Variants in CDH23 observed in about 807,000 individuals in gnomAD.
The protein encoded by CDH23 is cadherin-23.
In CDH23, 189 loss-of-function variants were observed where a neutral mutation model predicts 317.1. That is an observed-to-expected ratio of 0.60 (90% CI 0.53 to 0.67). CDH23 has a LOEUF of 0.67. Ranked by LOEUF, CDH23 falls within the 30% of genes least tolerant of loss-of-function variation. The probability of loss-of-function intolerance (pLI) is 0.00; values close to 1 mark genes in which losing one functional copy is unlikely to be tolerated. For synonymous variants in CDH23, 1,839 were observed against 1,876.8 expected (o/e 0.98, Z 0.52); for missense variants, 4,401 against 4,592.4 (o/e 0.96, Z 1.20).
rs920399503 is a variant in CDH23 at position 71,498,303 on chromosome 10, G to A, written c.146-11779G>A. ...AGCTTCTCCTGTGCCCTTTGAGCCT[G>A]TGTTCCAAGTCCTCAACCTCCTGTC... is the stretch of plus-strand genomic sequence containing the variant. On this transcript the variant is annotated intron_variant, in intron 3 of 69. Coordinates refer to ENST00000224721, the MANE Select transcript of CDH23 (RefSeq NM_022124.6). Among the ~76,000 whole-genome samples, 13 of 152,174 alleles carry A rather than the reference G, an allele frequency of 8.5e-5. 1 individual carries two copies. Among genetic ancestry groups the A allele is most frequent in the Non-Finnish European group, 2.9e-5 (2 of 68,034 alleles).
At chr10:71,778,112 A>G in intron 39 of CDH23, 77 bp from the exon 40 acceptor site, 3 of 1,581,474 alleles carry the variant, frequency 1.9e-6, no homozygotes, top group South Asian at 1.1e-5. Flanking sequence ...GTCAGGGCCT[A>G]CTTCCCAAAT....
In CDH23 at chr10:71,687,830, GC is replaced by G. The variant is rs1864971318; in HGVS notation, c.2059+113del. The G allele has an allele frequency of 1.6e-5, 16 of 1,002,622 alleles. 1 individual carries two copies. In the South Asian group the frequency reaches 2.1e-4, roughly 13 times the overall value. The allele number at this position is 1,002,622 out of a possible 1,614,324, so 62.1% of individuals were successfully genotyped here. ...GCACACAAATTGTGGGAGGTCCATG[GC>G]CTTCTCTTTCCCCGGCCAAGCTCCT... On this transcript the variant is annotated intron_variant, in intron 19 of 69. Transcript: ENST00000224721.
At chr10:71,710,843 G>A (rs1865944572) in intron 27 of CDH23, among the ~76,000 whole-genome samples, 1 of 152,244 alleles carries the variant, frequency 6.6e-6, no homozygotes, top group Non-Finnish European at 1.5e-5. Context: ...CCCACACTGG[G>A]GAAGGGGAGG....
chr10:71,547,691 A>G (rs574313375), intron 6 of CDH23, among the ~76,000 whole-genome samples: 3 of 152,366 alleles, frequency 2.0e-5, no homozygotes, highest in African/African-American at 7.2e-5. Flanking sequence ...TCCTGGAGGC[A>G]GAATTGCAAG....
Position 71,809,971 on chromosome 10 carries a change from G to A in CDH23, c.8874G>A (p.Lys2958=). The A allele has an allele frequency of 6.2e-7, 1 of 1,612,230 alleles. No individual in the cohort carries two copies. The highest frequency in any genetic ancestry group is 8.5e-7 in the Non-Finnish European group (1 of 1,179,890). The change falls in exon 61 of 70, where the codon AAG becomes AAA. Residue 2958 remains lysine (K), a synonymous_variant. Transcript: ENST00000224721. The part of the protein sequence containing the change: ...IYILRDDQRV[K]IVINEIPDRV... ...TCCTGAGGGACGACCAGCGCGTCAA[G>A]ATCGTCATTAACGAGATCCCCGACC...
chr10:71,398,602 G>A (rs1439513630), intron 1 of CDH23, among the ~76,000 whole-genome samples: 3 of 151,998 alleles, frequency 2.0e-5, no homozygotes, highest in African/African-American at 7.2e-5. Flanking sequence ...GGGGAGAGCT[G>A]GCTTGGAGTT....
At chr10:71,786,512 G>A (rs1448246175) in intron 44 of CDH23, among the ~76,000 whole-genome samples, 5 of 67,634 alleles carry the variant, frequency 7.4e-5, no homozygotes, top group African/African-American at 2.7e-4. Flanking sequence ...TTTTTTTTGA[G>A]ACAGAGTCTC....
chr10:71,791,242 C>G lies in CDH23; in HGVS notation c.6160C>G (p.His2054Asp). Reference sequence around the variant, plus strand: ...CATCGGGCTGCTCAACAGCACGGCCCACCTGCTCATCACCATCCTGGATGA... The same window carrying G: ...CATCGGGCTGCTCAACAGCACGGCCGACCTGCTCATCACCATCCTGGATGA... ...EDIGLLNSTA[H>D]LLITILDDND... is the part of the protein sequence containing the mutation. The change falls in exon 47 of 70, where the codon CAC (histidine) becomes GAC (aspartate). Residue 2054 changes from histidine (H) to aspartate (D), a missense_variant. Physicochemically the swap from His to Asp is moderately conservative, Grantham distance 81. Coordinates refer to ENST00000224721, the MANE Select transcript of CDH23 (RefSeq NM_022124.6). 6.2e-7 allele frequency: 1 copy of G among 1,613,638 alleles called. No individual in the cohort carries two copies. The highest frequency in any genetic ancestry group is 8.5e-7 in the Non-Finnish European group (1 of 1,179,610).
Position 71,793,412 on chromosome 10 carries a change from A to G in CDH23, c.6484A>G (p.Ile2162Val), listed in dbSNP as rs1841317200. 1 of 1,614,016 alleles carries G rather than the reference A, an allele frequency of 6.2e-7. No individual in the cohort carries two copies. The highest frequency in any genetic ancestry group is 1.1e-5 in the South Asian group (1 of 91,086). ...VPLSGTAIVT[I>V]LIDDINDSRP... Reference sequence around the variant, plus strand: ...TCTCTCGGGCACAGCCATTGTCACCATTCTGATCGATGACATCAATGACTC... The same window carrying G: ...TCTCTCGGGCACAGCCATTGTCACCGTTCTGATCGATGACATCAATGACTC... Residue 2162 changes from isoleucine (I) to valine (V), a missense_variant, in exon 48 of 70, where the codon ATT (isoleucine) becomes GTT (valine). Transcript: ENST00000224721.
intron 6 of CDH23, among the ~76,000 whole-genome samples, chr10:71,550,888 G>A (rs948898298): frequency 1.3e-5 from 2 of 152,202 alleles, no homozygotes; most frequent in Admixed American, 6.5e-5. Flanking sequence ...AAAAGCAGAT[G>A]TAGAAAAGTC....
chr10:71,415,239 G>A (rs1198030132), intron 1 of CDH23, among the ~76,000 whole-genome samples: 1 of 151,932 alleles, frequency 6.6e-6, no homozygotes, highest in East Asian at 1.9e-4. Context: ...GCCTTCTCAG[G>A]AATGCACTAT....
intron 11 of CDH23, among the ~76,000 whole-genome samples, chr10:71,634,884 C>T (rs1390066274): frequency 1.3e-5 from 2 of 152,238 alleles, no homozygotes; most frequent in African/African-American, 4.8e-5. Context: ...TTGAGGGGAG[C>T]CTCACCCTCC....
In CDH23 at chr10:71,799,495, G is replaced by T; in HGVS notation, c.7228G>T (p.Ala2410Ser). 1 of 1,614,058 alleles carries T rather than the reference G, an allele frequency of 6.2e-7. No individual in the cohort carries two copies. Among genetic ancestry groups the T allele is most frequent in the Non-Finnish European group, 8.5e-7 (1 of 1,179,918 alleles). Residue 2410 changes from alanine to serine, a missense_variant, in exon 52 of 70, where the codon GCT becomes TCT. Physicochemically the swap from Ala to Ser is moderately conservative, Grantham distance 99. This residue lies in a region of CDH23 where 189 missense variants were observed against 250.9 expected (regional missense o/e 0.75). Coordinates refer to ENST00000224721, the MANE Select transcript of CDH23 (RefSeq NM_022124.6). The part of the protein sequence containing the change: ...PIFDQPSYQE[A>S]VFEDVPVGTI... ...CTCCCTGCCCCCTGGGCTCCAGGAG[G>T]CTGTCTTTGAGGATGTGCCTGTGGG...
In CDH23 at chr10:71,679,388, C is replaced by T; in HGVS notation, c.1754C>T (p.Ala585Val). 2 of 1,611,124 alleles carry T rather than the reference C, an allele frequency of 1.2e-6. No individual in the cohort carries two copies. The highest frequency in any genetic ancestry group is 1.7e-6 in the Non-Finnish European group (2 of 1,178,320). The change falls in exon 17 of 70, where the codon GCA becomes GTA. Residue 585 changes from alanine (A) to valine (V), a missense_variant and splice_region_variant. Ala to Val is a moderately conservative substitution (Grantham distance 64). This residue lies in a region of CDH23 where 3,068 missense variants were observed against 3,203.3 expected (regional missense o/e 0.96). Transcript: ENST00000224721. The stretch of plus-strand genomic sequence containing the variant: ...CCTTGTCTGCCCTCTTCCTTTCAGG[C>T]AACAGATGAAGACTCCCCTCCCAAC... ...PSVTQLVRLR[A>V]TDEDSPPNNQ...
At chr10:71,803,512 GAAAC>G in intron 55 of CDH23, 92 bp downstream of exon 55, 1 of 1,194,752 alleles carries the variant, frequency 8.4e-7, no homozygotes, top group Non-Finnish European at 1.2e-6. Context: ...TAAAGGTGGG[GAAAC>G]TTGGCTTCAG....
At chr10:71,783,025 C>T (rs756742908) in intron 41 of CDH23, among the ~76,000 whole-genome samples, 7 of 152,236 alleles carry the variant, frequency 4.6e-5, no homozygotes, top group Non-Finnish European at 8.8e-5. Flanking sequence ...CTGTCCTTGC[C>T]ATGCCCTGTG....
intron 55 of CDH23, among the ~76,000 whole-genome samples, chr10:71,805,217 G>T (rs944922193): frequency 5.3e-5 from 8 of 152,190 alleles, no homozygotes; most frequent in African/African-American, 1.9e-4. Context: ...ACAGCGTTCA[G>T]GAGACTGAGG....
chr10:71,721,043 C>A (rs575090236), intron 28 of CDH23, among the ~76,000 whole-genome samples: 1 of 152,340 alleles, frequency 6.6e-6, no homozygotes, highest in Admixed American at 6.5e-5. Flanking sequence ...TCTCCTGAAA[C>A]CAACTGAACA....
chr10:71,406,343 A>T (rs1384009020), intron 1 of CDH23, among the ~76,000 whole-genome samples: 2 of 152,200 alleles, frequency 1.3e-5, no homozygotes, highest in Non-Finnish European at 2.9e-5. Context: ...GGGGGCTTGG[A>T]TGCCAGAGTA....
Sources: gnomAD v4.1 joint callset for allele counts (sites outside exome capture counted in the v4.1 genomes callset) on GRCh38, gnomAD v4.1.1 for gene constraint, gnomAD v4.1.1 regional missense constraint, MANE v1.5 for transcripts, NCBI Gene and HGNC (gene_info 2026-07-23, HGNC 2026-07-21) for gene names.